Variants in LPIN1 observed in about 807,000 individuals in gnomAD.
The protein encoded by LPIN1 is phosphatidate phosphatase LPIN1.
Under a neutral mutation model 107.5 loss-of-function variants are expected in LPIN1, and 71 were observed. The observed-to-expected ratio is 0.66, with a 90% confidence interval of 0.55 to 0.80. The LOEUF (loss-of-function observed/expected upper bound fraction) is 0.80. LPIN1 is among the 30% of genes least tolerant of loss of function. LPIN1 has a pLI of 0.00. For synonymous variants in LPIN1, 445 were observed against 452.6 expected, an observed-to-expected ratio of 0.98 and a Z score of 0.21; for missense variants, 1,043 against 1,160.6, an observed-to-expected ratio of 0.90 and a Z score of 1.47.
At chr2:11,735,094 C>G (rs575641297) in intron 1 of LPIN1, among the ~76,000 whole-genome samples, 1 of 152,144 alleles carries the variant, frequency 6.6e-6, no homozygotes, top group East Asian at 1.9e-4. Context: ...GAGTTCGAGA[C>G]CAACCTGGCC....
chr2:11,811,553 A>G (rs1679654091), intron 17 of LPIN1, among the ~76,000 whole-genome samples: 1 of 152,210 alleles, frequency 6.6e-6, no homozygotes. Flanking sequence ...TTGACAATCC[A>G]GTTCTGAGTG....
chr2:11,765,436 TA>T lies in LPIN1; in HGVS notation c.-9-95del. 1 of 1,148,122 alleles carries T rather than the reference TA, an allele frequency of 8.7e-7. No individual in the cohort carries two copies. The highest frequency in any genetic ancestry group is 1.3e-6 in the Non-Finnish European group (1 of 788,486). 71.1% of individuals were successfully genotyped at this position (1,148,122 alleles called of 1,614,324 possible). A position where few individuals can be genotyped will look rare whatever the true frequency, so the allele number is the denominator to read the frequency against. On this transcript the variant is annotated intron_variant, in intron 1 of 20. Coordinates refer to ENST00000674199, the MANE Select transcript of LPIN1 (RefSeq NM_001349206.2). The surrounding 1 kb of genome is among the most constrained non-coding windows in gnomAD (Gnocchi z 4.4). ...TGAGAGGAGCTGAAAGTTGAGTGTG[TA>T]ATCCACGTTTTTGAAATGGTGAGGA...
chr2:11,729,739 C>A (rs1013267730), intron 1 of LPIN1, among the ~76,000 whole-genome samples: 5 of 152,326 alleles, frequency 3.3e-5, no homozygotes, highest in African/African-American at 1.2e-4. Context: ...CCTTGTTCCT[C>A]TATATAATTT....
chr2:11,787,393 T>C (rs1674783684), intron 11 of LPIN1, among the ~76,000 whole-genome samples: 1 of 119,950 alleles, frequency 8.3e-6, no homozygotes, highest in Non-Finnish European at 1.7e-5. Flanking sequence ...TTTTCTTTTC[T>C]TTTTCTTTTT....
intron 15 of LPIN1, among the ~76,000 whole-genome samples, chr2:11,804,073 A>T (rs1678229022): frequency 6.6e-6 from 1 of 152,208 alleles, no homozygotes; most frequent in Non-Finnish European, 1.5e-5. Context: ...ATCCTATTCC[A>T]AACTTGTGAT....
rs565048822 is a variant in LPIN1, at chr2:11,802,811, A to T, written c.1887-96A>T. On this transcript the variant is annotated intron_variant, in intron 14 of 20. Transcript: ENST00000674199. The stretch of plus-strand genomic sequence containing the variant: ...ACCCGAGAGACGGGACTCAGGAGAG[A>T]CTGGATTGACTTAGTCATTGATTAA... The T allele has an allele frequency of 3.8e-5, 55 of 1,432,044 alleles. No individual in the cohort carries two copies. In the African/African-American group the frequency reaches 7.2e-4, roughly 19 times the overall value. 88.7% of individuals were successfully genotyped at this position (1,432,044 alleles called of 1,614,324 possible).
At position 11,802,940 on chromosome 2, in the gene LPIN1, G is replaced by A. The variant is rs746062680; in HGVS notation, c.1920G>A (p.Glu640=). 1 of 1,613,480 alleles carries A rather than the reference G, an allele frequency of 6.2e-7. No individual in the cohort carries two copies. The highest frequency in any genetic ancestry group is 2.2e-5 in the East Asian group (1 of 44,878). Reference sequence around the variant, plus strand: ...ATGAATCATCCTCCAGTGATGAGGAGCGCGCAGCTGCCAAGCCATCAAACG... The same window carrying A: ...ATGAATCATCCTCCAGTGATGAGGAACGCGCAGCTGCCAAGCCATCAAACG... The part of the protein sequence containing the change: ...VKHESSSSDE[E]RAAAKPSNAG... The change falls in exon 15 of 21, where the codon GAG becomes GAA. Residue 640 remains glutamate (E), a synonymous_variant. Coordinates refer to ENST00000674199, the MANE Select transcript of LPIN1 (RefSeq NM_001349206.2).
intron 1 of LPIN1, among the ~76,000 whole-genome samples, chr2:11,763,664 C>T (rs1670213860): frequency 6.6e-6 from 1 of 152,068 alleles, no homozygotes; most frequent in Non-Finnish European, 1.5e-5. Flanking sequence ...GTTCCAGAAT[C>T]CGATGGCTTC....
intron 12 of LPIN1, among the ~76,000 whole-genome samples, chr2:11,791,117 G>A (rs1433609290): frequency 6.6e-6 from 1 of 152,104 alleles, no homozygotes. Context: ...GTTTTCTTTT[G>A]TGTCAGATAG....
At chr2:11,689,934 A>G (rs969385052) in intron 1 of LPIN1, among the ~76,000 whole-genome samples, 1 of 152,354 alleles carries the variant, frequency 6.6e-6, no homozygotes, top group Middle Eastern at 3.4e-3. Context: ...ACATACCTGT[A>G]TAACAAATAT....
chr2:11,814,523 T>C (rs1240904371), intron 17 of LPIN1, among the ~76,000 whole-genome samples: 2 of 151,454 alleles, frequency 1.3e-5, no homozygotes, highest in African/African-American at 2.4e-5. Flanking sequence ...TGTGTGTGTG[T>C]GTGTGTGTGT....
intron 14 of LPIN1, among the ~76,000 whole-genome samples, chr2:11,799,743 C>T (rs1458284346): frequency 6.6e-6 from 1 of 152,000 alleles, no homozygotes; most frequent in Non-Finnish European, 1.5e-5. Context: ...TTACCTGCCT[C>T]CATCCTGAAG....
At chr2:11,775,748 G>A (rs1672556140) in intron 5 of LPIN1, among the ~76,000 whole-genome samples, 1 of 150,332 alleles carries the variant, frequency 6.7e-6, no homozygotes, top group Admixed American at 6.6e-5. Flanking sequence ...TTCAATATCC[G>A]GTGCTCTGCC....
rs1402848067 is a variant in LPIN1, at chr2:11,788,583, A to G, written c.1713+127A>G. 3 of 773,512 alleles carry G rather than the reference A, an allele frequency of 3.9e-6. No individual in the cohort carries two copies. The African/African-American group carries it at 5.2e-5, about 13-fold the overall frequency. The allele number at this position is 773,512 out of a possible 1,614,324, so 47.9% of individuals were successfully genotyped here. ...ATTCCACTGTGCTCTTTTGAAGTTCATGAGCATACAGGCCAGGAGTTTCTG... is the reference window on the plus strand; with the variant it reads ...ATTCCACTGTGCTCTTTTGAAGTTCGTGAGCATACAGGCCAGGAGTTTCTG... On this transcript the variant is annotated intron_variant, in intron 12 of 20. Transcript: ENST00000674199.
At chr2:11,778,307 T>C (rs538168018) in intron 6 of LPIN1, among the ~76,000 whole-genome samples, 7 of 152,156 alleles carry the variant, frequency 4.6e-5, no homozygotes, top group Non-Finnish European at 8.8e-5. Flanking sequence ...AGCACGTCAT[T>C]AGAAGGGCTG....
chr2:11,812,505 G>A (rs1679840442), intron 17 of LPIN1, among the ~76,000 whole-genome samples: 2 of 152,142 alleles, frequency 1.3e-5, no homozygotes, highest in African/African-American at 4.8e-5. Context: ...TAGATGAGGT[G>A]AGGGTACAAG....
intron 2 of LPIN1, 130 bp from the exon 3 acceptor site, chr2:11,767,633 G>T: frequency 1.4e-6 from 1 of 723,912 alleles, no homozygotes. Flanking sequence ...GCCTGACTGA[G>T]ACTGGGAGTT....
At chr2:11,775,799 C>T (rs994721533) in intron 5 of LPIN1, among the ~76,000 whole-genome samples, 1 of 149,084 alleles carries the variant, frequency 6.7e-6, no homozygotes, top group Non-Finnish European at 1.5e-5. Context: ...TTAAAAATGT[C>T]GTTGTTGAGA....
chr2:11,748,943 CT>C (rs1667383830), intron 1 of LPIN1, among the ~76,000 whole-genome samples: 1 of 152,174 alleles, frequency 6.6e-6, no homozygotes, highest in Non-Finnish European at 1.5e-5. Flanking sequence ...CACTTCCTCA[CT>C]GGTAGCCCGG....
Sources: gnomAD v4.1 joint callset for allele counts (sites outside exome capture counted in the v4.1 genomes callset) on GRCh38, gnomAD v4.1.1 for gene constraint, Gnocchi (gnomAD v3.1) non-coding constraint, MANE v1.5 for transcripts, NCBI Gene and HGNC (gene_info 2026-07-23, HGNC 2026-07-21) for gene names.